Variants in AFDN observed in about 807,000 individuals in gnomAD.
The protein encoded by AFDN is afadin, adherens junction formation factor, also known as afadin.
In AFDN, 68 loss-of-function variants were observed where a neutral mutation model predicts 216.6. That is an observed-to-expected ratio of 0.31 (90% CI 0.26 to 0.38). The LOEUF is 0.38. Among genes scored for constraint, AFDN ranks in the 10% least tolerant of loss-of-function variants. The pLI is 1.00. For synonymous variants in AFDN, 868 were observed against 853.7 expected, an observed-to-expected ratio of 1.02 and a Z score of -0.29; for missense variants, 2,136 against 2,342.0, an observed-to-expected ratio of 0.91 and a Z score of 1.82.
At chr6:167,941,993 A>G (rs1794742527) in intron 23 of AFDN, among the ~76,000 whole-genome samples, 2 of 152,236 alleles carry the variant, frequency 1.3e-5, no homozygotes, top group South Asian at 4.1e-4. Context: ...AAGAAATACT[A>G]TACTGTTTTT....
intron 20 of AFDN, among the ~76,000 whole-genome samples, chr6:167,917,559 C>G (rs1247560704): frequency 1.3e-5 from 2 of 152,142 alleles, no homozygotes; most frequent in Admixed American, 6.5e-5. Context: ...TGTCACAGAT[C>G]ACCCTCTTAC....
chr6:167,941,699 A>C (rs538836133), intron 23 of AFDN, among the ~76,000 whole-genome samples: 794 of 56,790 alleles, frequency 0.014, 20 homozygotes, highest in African/African-American at 0.071. Context: ...GTGGACAGAC[A>C]CAGAGGGATG....
chr6:167,901,282 G>T (rs1021353429), intron 11 of AFDN, among the ~76,000 whole-genome samples: 1 of 152,020 alleles, frequency 6.6e-6, no homozygotes, highest in Non-Finnish European at 1.5e-5. Context: ...ATCCTTGTTG[G>T]TTTCCAGGTG....
At chr6:167,924,826 C>A in intron 22 of AFDN, 179 bp from the exon 23 acceptor site, 1 of 641,428 alleles carries the variant, frequency 1.6e-6, no homozygotes. Context: ...ATTTAGTTTA[C>A]CAGATTAATA....
chr6:167,827,234 C>G lies in AFDN; in HGVS notation c.102C>G (p.Thr34=). The G allele has an allele frequency of 3.3e-6, 4 of 1,195,478 alleles. No individual in the cohort carries two copies. Among genetic ancestry groups the G allele is most frequent in the Non-Finnish European group, 4.3e-6 (4 of 933,842 alleles). The allele number at this position is 1,195,478 out of a possible 1,614,324, so 74.1% of individuals were successfully genotyped here. A position where few individuals can be genotyped will look rare whatever the true frequency, so the allele number is the denominator to read the frequency against. Residue 34 remains threonine, a synonymous_variant, in exon 1 of 34, where the codon ACC becomes ACG. Transcript: ENST00000683244. ...RLDLFEISQP[T]EDLEFHGVMR... ...ACCTGTTCGAGATCAGCCAGCCGAC[C>G]GAGGTGAGCACCGCCGGGCGCGGGG...
In AFDN at chr6:167,970,147, C is replaced by T; in HGVS notation, c.*212C>T. ...GATTGCCATTTATGTAATTTAAACACTGTCTAGTTTCTTAATTATCTAACT... is the reference window on the plus strand; with the variant it reads ...GATTGCCATTTATGTAATTTAAACATTGTCTAGTTTCTTAATTATCTAACT... On this transcript the variant is annotated 3_prime_UTR_variant, in exon 34 of 34. Transcript: ENST00000683244. The T allele has an allele frequency of 2.0e-6, 1 of 505,052 alleles. No homozygotes were observed. The highest frequency in any genetic ancestry group is 3.4e-6 in the Non-Finnish European group (1 of 294,438). 31.3% of individuals were successfully genotyped at this position (505,052 alleles called of 1,614,324 possible).
chr6:167,889,216 T>G lies in AFDN; in HGVS notation c.899T>G (p.Val300Gly), dbSNP rs771613625. ...AGTTAATTATTTTTGTTTTTTTAGG[T>G]TATGCTTCCTCCTGGAGCCCAGCAT... Reference protein sequence around the residue: ...ENPKDYCIARVMLPPGAQHSD... With the variant: ...ENPKDYCIARGMLPPGAQHSD... Residue 300 changes from valine to glycine, a missense_variant and splice_region_variant, in exon 7 of 34, where the codon GTT becomes GGT. By Grantham distance (109) the Val-to-Gly change is moderately radical (BLOSUM62 -3). Around this residue, in one of 8 missense-constraint regions of AFDN, gnomAD observed 817 missense variants for 965.7 expected, o/e 0.85. Transcript: ENST00000683244. The G allele has an allele frequency of 6.8e-5, 110 of 1,612,078 alleles. No individual in the cohort carries two copies. The highest frequency in any genetic ancestry group is 9.2e-5 in the Non-Finnish European group (108 of 1,178,698).
rs746963605 is a variant in AFDN, at chr6:167,946,659, G to T, written c.3359-48G>T. 7 of 1,472,744 alleles carry T rather than the reference G, an allele frequency of 4.8e-6. No individual in the cohort carries two copies. The Admixed American group carries it at 5.2e-5, about 11-fold the overall frequency. The allele number at this position is 1,472,744 out of a possible 1,614,324, so 91.2% of individuals were successfully genotyped here. A position where few individuals can be genotyped will look rare whatever the true frequency, so the allele number is the denominator to read the frequency against. On this transcript the variant is annotated intron_variant, in intron 26 of 33. Coordinates refer to ENST00000683244, the MANE Select transcript of AFDN (RefSeq NM_001386888.1). The stretch of plus-strand genomic sequence containing the variant: ...TTATGGAATTTTAATGATAATCAGG[G>T]TGTTGAAAATAAAATCTTAAGAGAT...
Position 167,875,445 on chromosome 6 carries a change from T to C in AFDN, c.689T>C (p.Leu230Ser), listed in dbSNP as rs764099843. Reference sequence around the variant, plus strand: ...ATGAAACGACGGAGGCAGCAAAAATTGGAAAAGAGAATGCAGGAATTTCGG... The same window carrying C: ...ATGAAACGACGGAGGCAGCAAAAATCGGAAAAGAGAATGCAGGAATTTCGG... ...VVMKRRRQQK[L>S]EKRMQEFRSS... Residue 230 changes from leucine to serine, a missense_variant, in exon 5 of 34, where the codon TTG becomes TCG. Physicochemically the swap from Leu to Ser is moderately radical, Grantham distance 145. Transcript: ENST00000683244. 1 of 1,614,014 alleles carries C rather than the reference T, an allele frequency of 6.2e-7. No homozygotes were observed. Among genetic ancestry groups the C allele is most frequent in the Non-Finnish European group, 8.5e-7 (1 of 1,179,944 alleles).
rs753039483 is a variant in AFDN at position 167,907,177 on chromosome 6, A to G, written c.1657A>G (p.Thr553Ala). The change falls in exon 13 of 34, where the codon ACT becomes GCT. Residue 553 changes from threonine to alanine, a missense_variant. By Grantham distance (58) the Thr-to-Ala change is moderately conservative (BLOSUM62 0). Around this residue, in one of 8 missense-constraint regions of AFDN, gnomAD observed 817 missense variants for 965.7 expected, o/e 0.85. Coordinates refer to ENST00000683244, the MANE Select transcript of AFDN (RefSeq NM_001386888.1). Reference protein sequence around the residue: ...GTALPTSKSTTRLDSDRVSSA... With the variant: ...GTALPTSKSTARLDSDRVSSA... ...GTGCTTTCTCTCCATGTAGAGCACC[A>G]CTAGGCTGGACAGCGACAGAGTGTC... is the stretch of plus-strand genomic sequence containing the variant. 1.2e-6 allele frequency: 2 copies of G among 1,613,934 alleles called. No homozygotes were observed. Among genetic ancestry groups the G allele is most frequent in the Non-Finnish European group, 1.7e-6 (2 of 1,179,816 alleles).
At chr6:167,942,657 A>G (rs1435571605) in intron 23 of AFDN, among the ~76,000 whole-genome samples, 4 of 152,188 alleles carry the variant, frequency 2.6e-5, no homozygotes. Context: ...CATGAGTTAT[A>G]ATACTGATTA....
intron 8 of AFDN, 122 bp from the exon 9 acceptor site, chr6:167,893,740 G>C: frequency 1.4e-6 from 1 of 734,946 alleles, no homozygotes; most frequent in Non-Finnish European, 2.4e-6. Flanking sequence ...CCTTTGAAAC[G>C]TGTCTCACTG....
At chr6:167,944,670 G>T (rs760063981) in intron 26 of AFDN, among the ~76,000 whole-genome samples, 2 of 152,116 alleles carry the variant, frequency 1.3e-5, no homozygotes, top group Non-Finnish European at 2.9e-5. Flanking sequence ...AAACCTAGAT[G>T]GTGTAGCCTA....
chr6:167,919,130 G>A (rs529035657), intron 21 of AFDN, among the ~76,000 whole-genome samples, 197 bp downstream of exon 21: 1 of 152,304 alleles, frequency 6.6e-6, no homozygotes, highest in South Asian at 2.1e-4. Context: ...AGAGCCCTTG[G>A]GCATGTTTTG....
chr6:167,951,734 G>C lies in AFDN; in HGVS notation c.4380G>C (p.Pro1460=), dbSNP rs201083573. The part of the protein sequence containing the change: ...QMRTQSLNPA[P]FSPLTAQQMK... ...GCACTCAGTCCTTAAACCCTGCTCC[G>C]TTTTCTCCCCTGACTGCACAGCAGA... Residue 1460 remains proline (P), a synonymous_variant, in exon 30 of 34, where the codon CCG becomes CCC. Coordinates refer to ENST00000683244, the MANE Select transcript of AFDN (RefSeq NM_001386888.1). This position sits in a 1 kb window ranked among gnomAD's most constrained non-coding sequence, Gnocchi z 7.1. 4 of 1,614,098 alleles carry C rather than the reference G, an allele frequency of 2.5e-6. No individual in the cohort carries two copies. The African/African-American group carries it at 5.3e-5, about 22-fold the overall frequency.
chr6:167,859,799 T>G (rs1783336106), intron 1 of AFDN, among the ~76,000 whole-genome samples: 2 of 151,836 alleles, frequency 1.3e-5, no homozygotes, highest in Non-Finnish European at 2.9e-5. Flanking sequence ...TTTTTTAGTT[T>G]TGGATCATTG....
At chr6:167,852,992 G>T (rs758140435) in intron 1 of AFDN, among the ~76,000 whole-genome samples, 2 of 152,036 alleles carry the variant, frequency 1.3e-5, no homozygotes, top group Non-Finnish European at 2.9e-5. Context: ...ACCTAGACCT[G>T]GATTAAGCCA....
chr6:167,871,797 T>C (rs1169746638), intron 3 of AFDN, among the ~76,000 whole-genome samples: 1 of 152,242 alleles, frequency 6.6e-6, no homozygotes, highest in Non-Finnish European at 1.5e-5. Flanking sequence ...ATTTGTCTAT[T>C]ATTCACTCTT....
chr6:167,915,454 C>G (rs776598449), intron 19 of AFDN, 21 bp downstream of exon 19: 141 of 1,590,876 alleles, frequency 8.9e-5, no homozygotes, highest in Non-Finnish European at 1.5e-5. Flanking sequence ...GTGCCACTCC[C>G]CAGCTCATGT....
Sources: gnomAD v4.1 joint callset for allele counts (sites outside exome capture counted in the v4.1 genomes callset) on GRCh38, gnomAD v4.1.1 for gene constraint, gnomAD v4.1.1 regional missense constraint, Gnocchi (gnomAD v3.1) non-coding constraint, MANE v1.5 for transcripts, NCBI Gene and HGNC (gene_info 2026-07-23, HGNC 2026-07-21) for gene names.